DBF4B: variants seen among roughly 807,000 people sequenced by gnomAD.
DBF4B encodes the protein DBF4B-CDC7 kinase regulatory subunit.
In DBF4B, 49 loss-of-function variants were observed where a neutral mutation model predicts 53.4. The ratio of observed to expected loss-of-function variants is 0.92; its 90% CI spans 0.73 to 1.16. DBF4B has a LOEUF of 1.16. DBF4B is among the 50% of genes most tolerant of loss of function. The pLI, the probability that DBF4B is intolerant of heterozygous loss-of-function variation, is 0.00. For synonymous variants in DBF4B, 257 were observed against 288.7 expected, an observed-to-expected ratio of 0.89 and a Z score of 1.11; for missense variants, 692 against 775.0, an observed-to-expected ratio of 0.89 and a Z score of 1.27.
chr17:44,709,360 G>A lies in DBF4B; in HGVS notation c.76G>A (p.Asp26Asn). 1 of 1,614,172 alleles carries A rather than the reference G, an allele frequency of 6.2e-7. No homozygotes were observed. Among genetic ancestry groups the A allele is most frequent in the Non-Finnish European group, 8.5e-7 (1 of 1,180,042 alleles). ...SMAESRLRAPDLGVSRCLGKC... is the reference protein window; with the variant it reads ...SMAESRLRAPNLGVSRCLGKC... ...GGCTGAGAGTAGGCTCCGGGCCCCG[G>A]ACCTAGGTGGGTAACAGGACAGAAC... The change falls in exon 2 of 14, where the codon GAC becomes AAC. Residue 26 changes from aspartate (D) to asparagine (N), a missense_variant. Asp to Asn is a conservative substitution (Grantham distance 23). Around this residue, in one of 3 missense-constraint regions of DBF4B, gnomAD observed 66 missense variants for 51.3 expected, o/e 1.29. Transcript: ENST00000315005.
chr17:44,722,771 G>T, intron 2 of DBF4B, 109 bp from the exon 3 acceptor site: 3 of 1,263,464 alleles, frequency 2.4e-6, no homozygotes, highest in Admixed American at 2.1e-5. Flanking sequence ...TGTGCCCAGG[G>T]TCTAGTCTGT....
chr17:44,713,870 T>C (rs2144765112), intron 2 of DBF4B, among the ~76,000 whole-genome samples: 1 of 152,282 alleles, frequency 6.6e-6, no homozygotes, highest in African/African-American at 2.4e-5. Context: ...ACTAGGCCTA[T>C]TGCACTGATT....
In DBF4B at chr17:44,749,311, C is replaced by T. The variant is rs769643817; in HGVS notation, c.1189+846C>T. 5 of 1,290,034 alleles carry T rather than the reference C, an allele frequency of 3.9e-6. No individual in the cohort carries two copies. Among genetic ancestry groups the T allele is most frequent in the South Asian group, 2.4e-5 (2 of 81,740 alleles). The allele number at this position is 1,290,034 out of a possible 1,614,324, so 79.9% of individuals were successfully genotyped here. ...CCATGCTGGCAGAGAGCTGCTCCTA[C>T]GAGTCCCCAAGGTGCTTGGCTCTTC... On this transcript the variant is annotated intron_variant, in intron 13 of 13. Transcript: ENST00000315005. This position sits in a 1 kb window ranked among gnomAD's most constrained non-coding sequence, Gnocchi z 4.4.
At position 44,708,689 on chromosome 17, in the gene DBF4B, C is replaced by T. The variant is rs945640668; in HGVS notation, c.-132C>T. 9.7e-6 allele frequency: 11 copies of T among 1,137,088 alleles called. No homozygotes were observed. Among genetic ancestry groups the T allele is most frequent in the Non-Finnish European group, 1.3e-5 (11 of 839,818 alleles). 70.4% of individuals were successfully genotyped at this position (1,137,088 alleles called of 1,614,324 possible). ...TAAACTGAAGCCGCGGCCGAAAACG[C>T]CAAGAGATTGATGCTGTAGCTGCCC... On this transcript the variant is annotated 5_prime_UTR_variant, in exon 1 of 14. Transcript: ENST00000315005.
chr17:44,730,242 G>C, intron 4 of DBF4B, 146 bp downstream of exon 4: 1 of 965,688 alleles, frequency 1.0e-6, no homozygotes. Context: ...TTTTATCATA[G>C]CTCTGGATCT....
At position 44,731,023 on chromosome 17, in the gene DBF4B, G is replaced by T. The variant is rs1195730781; in HGVS notation, c.468+8G>T. On this transcript the variant is annotated splice_region_variant and intron_variant, in intron 5 of 13. Coordinates refer to ENST00000315005, the MANE Select transcript of DBF4B (RefSeq NM_145663.3). The stretch of plus-strand genomic sequence containing the variant: ...AAGGCTATCAGAAACCAGGTGAGCT[G>T]GGGCAAGATGGGACAGAGCCGGTGG... 16 of 1,613,832 alleles carry T rather than the reference G, an allele frequency of 9.9e-6. No homozygotes were observed. Among genetic ancestry groups the T allele is most frequent in the African/African-American group, 4.0e-5 (3 of 74,910 alleles).
At chr17:44,722,705 A>G (rs186333483) in intron 2 of DBF4B, among the ~76,000 whole-genome samples, 175 bp from the exon 3 acceptor site, 11 of 152,262 alleles carry the variant, frequency 7.2e-5, no homozygotes, top group Middle Eastern at 3.4e-3. Flanking sequence ...GAAGGTTCCA[A>G]TTTCACCACA....
At chr17:44,736,897 G>A in intron 8 of DBF4B, 31 bp downstream of exon 8, 4 of 1,612,514 alleles carry the variant, frequency 2.5e-6, no homozygotes, top group Non-Finnish European at 3.4e-6. Context: ...TCATCTAATT[G>A]CAATCCCTCC....
chr17:44,725,684 C>CTTCTTTTTTTTTTTTTTT (rs777349094), intron 3 of DBF4B, among the ~76,000 whole-genome samples: 2 of 87,662 alleles, frequency 2.3e-5, no homozygotes, highest in African/African-American at 4.8e-5. Context: ...TTTTGTGCTT[C>CTTCTTTTTTTTTTTTTTT]TTTTTTTTTT....
At chr17:44,737,979 T>C (rs1167965768) in intron 8 of DBF4B, among the ~76,000 whole-genome samples, 1 of 152,202 alleles carries the variant, frequency 6.6e-6, no homozygotes, top group African/African-American at 2.4e-5. Flanking sequence ...ACCTGGGACT[T>C]TGTGGGAATG....
At chr17:44,736,784 C>G in intron 7 of DBF4B, 46 bp from the exon 8 acceptor site, 1 of 1,611,820 alleles carries the variant, frequency 6.2e-7, no homozygotes, top group South Asian at 1.1e-5. Flanking sequence ...TTCCTTGACC[C>G]CCGTGGCTTC....
At chr17:44,727,864 A>ATTTTCTTTTTT (rs1568175162) in intron 3 of DBF4B, among the ~76,000 whole-genome samples, 17 of 106,720 alleles carry the variant, frequency 1.6e-4, no homozygotes, top group Non-Finnish European at 2.0e-4. Flanking sequence ...TGCCCGGGTA[A>ATTTTCTTTTTT]TTTTTTTTTT....
In DBF4B at chr17:44,738,905, T is replaced by G. The variant is rs144068861; in HGVS notation, c.713+481T>G. ...CTGTACTTGATAAAGCCTTTCTGTT[T>G]CACTTTGAAAATCGTTTTCTGGCTC... On this transcript the variant is annotated intron_variant, in intron 9 of 13. Transcript: ENST00000315005. Among the ~76,000 whole-genome samples the G allele has an allele frequency of 3.8e-3, 576 of 152,316 alleles. 2 individuals are homozygous for G. Among genetic ancestry groups the G allele is most frequent in the Non-Finnish European group, 6.7e-3 (456 of 68,016 alleles).
At chr17:44,738,228 G>T in intron 8 of DBF4B, 151 bp from the exon 9 acceptor site, 1 of 756,050 alleles carries the variant, frequency 1.3e-6, no homozygotes, top group African/African-American at 1.7e-5. Context: ...CTGAGTGAAT[G>T]GAGAGCGCAG....
chr17:44,724,080 G>T (rs1464298762), intron 3 of DBF4B, among the ~76,000 whole-genome samples: 1 of 152,182 alleles, frequency 6.6e-6, no homozygotes, highest in Non-Finnish European at 1.5e-5. Context: ...CTGCATTCCA[G>T]CCTGGGCAAC....
chr17:44,710,436 A>C (rs1972764981), intron 2 of DBF4B, among the ~76,000 whole-genome samples: 1 of 152,090 alleles, frequency 6.6e-6, no homozygotes, highest in African/African-American at 2.4e-5. Context: ...CCTTCAACAC[A>C]TTGAAAAATT....
intron 3 of DBF4B, among the ~76,000 whole-genome samples, chr17:44,724,636 C>T (rs1974135619): frequency 6.6e-6 from 1 of 152,134 alleles, no homozygotes; most frequent in African/African-American, 2.4e-5. Context: ...GCCTTGGCCT[C>T]CCAAAGTGCT....
chr17:44,721,791 ATC>A (rs1973871227), intron 2 of DBF4B, among the ~76,000 whole-genome samples: 2 of 149,332 alleles, frequency 1.3e-5, no homozygotes, highest in Middle Eastern at 3.4e-3. Flanking sequence ...CTTATGCCCT[ATC>A]TCGTGTGTCC....
intron 9 of DBF4B, among the ~76,000 whole-genome samples, chr17:44,739,630 A>G (rs903164546): frequency 1.3e-5 from 2 of 152,254 alleles, no homozygotes; most frequent in Admixed American, 1.3e-4. Flanking sequence ...CACATATGCA[A>G]CGGCTGAAAG....
Sources: gnomAD v4.1 joint callset for allele counts (sites outside exome capture counted in the v4.1 genomes callset) on GRCh38, gnomAD v4.1.1 for gene constraint, gnomAD v4.1.1 regional missense constraint, Gnocchi (gnomAD v3.1) non-coding constraint, MANE v1.5 for transcripts, NCBI Gene and HGNC (gene_info 2026-07-23, HGNC 2026-07-21) for gene names.